Variants in GARNL3 observed in about 807,000 individuals in gnomAD.
GARNL3 encodes the protein GTPase-activating Rap/Ran-GAP domain-like protein 3.
In GARNL3, 63 loss-of-function variants were observed where a neutral mutation model predicts 125.0. The ratio of observed to expected loss-of-function variants is 0.50; its 90% confidence interval spans 0.41 to 0.62. GARNL3 has a LOEUF of 0.62. Among genes scored for constraint, GARNL3 ranks in the 20% least tolerant of loss-of-function variants. The pLI, the probability that GARNL3 is intolerant of heterozygous loss-of-function variation, is 0.00. For missense variants in GARNL3, 994 were observed against 1,244.0 expected (o/e 0.80, Z 3.02); for synonymous variants, 439 against 457.5 (o/e 0.96, Z 0.52).
intron 2 of GARNL3, among the ~76,000 whole-genome samples, chr9:127,310,766 T>A (rs1467869441): frequency 1.4e-5 from 2 of 141,708 alleles, no homozygotes; most frequent in Non-Finnish European, 3.0e-5. Context: ...AGAGTAAGAC[T>A]CTGTCTCAAA....
chr9:127,359,310 C>A (rs563146573), intron 21 of GARNL3, among the ~76,000 whole-genome samples: 95 of 152,102 alleles, frequency 6.2e-4, no homozygotes, highest in Non-Finnish European at 1.1e-3. Flanking sequence ...GCCAACATGG[C>A]GAAACCCCAT....
intron 22 of GARNL3, among the ~76,000 whole-genome samples, chr9:127,372,391 T>A (rs927993738): frequency 2.6e-5 from 4 of 152,210 alleles, no homozygotes; most frequent in African/African-American, 9.6e-5. Flanking sequence ...CTGTAGGAGA[T>A]AATGATAATA....
At chr9:127,356,339 G>A (rs979554895) in intron 20 of GARNL3, 5 of 152,192 alleles carry the variant, frequency 3.3e-5, no homozygotes, top group Admixed American at 2.6e-4. Context: ...CAGTCAGCGG[G>A]ATTTGCTGGG....
intron 22 of GARNL3, among the ~76,000 whole-genome samples, chr9:127,369,461 G>A (rs1304470854): frequency 6.6e-6 from 1 of 152,234 alleles, no homozygotes; most frequent in Non-Finnish European, 1.5e-5. Context: ...TTACCAAAGG[G>A]AAGGGAGAGA....
intron 22 of GARNL3, among the ~76,000 whole-genome samples, chr9:127,381,471 A>G (rs1832252535): frequency 2.0e-5 from 3 of 152,194 alleles, no homozygotes. Flanking sequence ...CTGGTCCTAC[A>G]TGTCATTATC....
chr9:127,287,053 G>A (rs2064270085), intron 1 of GARNL3, among the ~76,000 whole-genome samples: 1 of 152,082 alleles, frequency 6.6e-6, no homozygotes, highest in Non-Finnish European at 1.5e-5. Flanking sequence ...CATGGAAGAG[G>A]TACCTCCCCT....
chr9:127,305,986 T>C (rs979063763), intron 2 of GARNL3, among the ~76,000 whole-genome samples: 6 of 152,168 alleles, frequency 3.9e-5, no homozygotes, highest in Non-Finnish European at 8.8e-5. Context: ...CATCTCTCCC[T>C]CTGCGATGCT....
At chr9:127,356,176 C>A (rs1588921480) in intron 20 of GARNL3, among the ~76,000 whole-genome samples, 1 of 152,264 alleles carries the variant, frequency 6.6e-6, no homozygotes, top group East Asian at 1.9e-4. Context: ...AAAAGATTGT[C>A]CTGGCTTCTG....
At chr9:127,307,737 C>A (rs1588820069) in intron 2 of GARNL3, among the ~76,000 whole-genome samples, 1 of 151,526 alleles carries the variant, frequency 6.6e-6, no homozygotes, top group Non-Finnish European at 1.5e-5. Flanking sequence ...TTTTGTTTAA[C>A]CTTTGTTTTC....
rs754780368 is a variant in GARNL3, at chr9:127,301,925, CTTTTTTTTTTTTTTT to C, written c.220-9692_220-9678del. Among the ~76,000 whole-genome samples the C allele has an allele frequency of 2.1e-3, 97 of 45,448 alleles. 2 individuals are homozygous for C. The highest frequency in any genetic ancestry group is 4.9e-3 in the South Asian group (4 of 814). The allele number at this position is 45,448 out of a possible 152,430, so 29.8% of individuals were successfully genotyped here. ...TCTATCTTCCTTAGCATTGGGAGGACTTTTTTTTTTTTTTTTTTTTTTTTTTTTTTTTTGAGACAG... is the reference window on the plus strand; with the variant it reads ...TCTATCTTCCTTAGCATTGGGAGGACTTTTTTTTTTTTTTTTTTGAGACAG... On this transcript the variant is annotated intron_variant, in intron 2 of 27. Coordinates refer to ENST00000373387, the MANE Select transcript of GARNL3 (RefSeq NM_032293.5).
At chr9:127,225,486 G>T (rs1332098480) in intron 1 of GARNL3, 14 of 558,604 alleles carry the variant, frequency 2.5e-5, no homozygotes, top group Non-Finnish European at 3.2e-5. Flanking sequence ...GCGGGGCGAG[G>T]CCGTGGCGTG....
chr9:127,305,547 A>C (rs1385342204), intron 2 of GARNL3, among the ~76,000 whole-genome samples: 3 of 151,992 alleles, frequency 2.0e-5, no homozygotes, highest in Admixed American at 1.3e-4. Flanking sequence ...TGAAATAGGT[A>C]ACTTTTATTT....
At chr9:127,225,208 G>T (rs1460141163) in intron 1 of GARNL3, 4 of 242,112 alleles carry the variant, frequency 1.7e-5, no homozygotes, top group Admixed American at 6.6e-5. Context: ...TGGGCCCAGC[G>T]AGGGGAGAGG....
chr9:127,276,856 G>T (rs906247733), intron 1 of GARNL3, among the ~76,000 whole-genome samples: 1 of 152,206 alleles, frequency 6.6e-6, no homozygotes, highest in Admixed American at 6.5e-5. Flanking sequence ...AGCCTTTTGA[G>T]TGCTTTGTAT....
intron 12 of GARNL3, among the ~76,000 whole-genome samples, chr9:127,338,943 G>C (rs893636010): frequency 6.6e-6 from 1 of 152,216 alleles, no homozygotes; most frequent in Non-Finnish European, 1.5e-5. Context: ...GGACAGAATA[G>C]TGGTGTATTA....
chr9:127,347,191 C>T (rs574951415), intron 16 of GARNL3, among the ~76,000 whole-genome samples: 1 of 152,096 alleles, frequency 6.6e-6, no homozygotes, highest in African/African-American at 2.4e-5. Flanking sequence ...AGGTTGAGGC[C>T]GGAGGACTAC....
chr9:127,225,474 C>T (rs981764507), intron 1 of GARNL3: 5 of 616,332 alleles, frequency 8.1e-6, no homozygotes, highest in African/African-American at 8.1e-5. Flanking sequence ...TGTGAAGGGA[C>T]AGCGGGGCGA....
rs1349676933 is a variant in GARNL3 at position 127,242,735 on chromosome 9, C to T, written c.-28-344C>T. On this transcript the variant is annotated intron_variant, in intron 1 of 10. Coordinates refer to the GARNL3 transcript ENST00000439286. The surrounding 1 kb of genome is among the most constrained non-coding windows in gnomAD (Gnocchi z 4.6). ...CCTACCACCGGTGATTCTCCAGAAGCATTCTAGACATAGCTTCCCTTACCA... is the reference window on the plus strand; with the variant it reads ...CCTACCACCGGTGATTCTCCAGAAGTATTCTAGACATAGCTTCCCTTACCA... Among the ~76,000 whole-genome samples the T allele has an allele frequency of 1.3e-5, 2 of 152,194 alleles. No individual in the cohort carries two copies. Among genetic ancestry groups the T allele is most frequent in the Non-Finnish European group, 2.9e-5 (2 of 68,028 alleles).
rs568892609 is a variant in GARNL3 at position 127,357,958 on chromosome 9, A to T, written c.2094+581A>T. Among the ~76,000 whole-genome samples the T allele has an allele frequency of 6.6e-5, 10 of 152,060 alleles. No individual in the cohort carries two copies. The East Asian group carries it at 1.9e-3, about 29-fold the overall frequency. On this transcript the variant is annotated intron_variant, in intron 21 of 27. Coordinates refer to ENST00000373387, the MANE Select transcript of GARNL3 (RefSeq NM_032293.5). ...TTGGGGTGGGTACTGCACCCTCCCT[A>T]CCCCCTTAAAAACCCACTAGGAAAG... is the stretch of plus-strand genomic sequence containing the variant.
Sources: gnomAD v4.1 joint callset for allele counts (sites outside exome capture counted in the v4.1 genomes callset) on GRCh38, gnomAD v4.1.1 for gene constraint, Gnocchi (gnomAD v3.1) non-coding constraint, MANE v1.5 for transcripts, NCBI Gene and HGNC (gene_info 2026-07-23, HGNC 2026-07-21) for gene names.